HMCN1: variants seen among roughly 807,000 people sequenced by gnomAD.
HMCN1 encodes hemicentin-1.
In HMCN1, 321 loss-of-function variants were observed where a neutral mutation model predicts 625.9. The observed-to-expected ratio is 0.51, with a 90% CI of 0.47 to 0.56. HMCN1 has a LOEUF of 0.56. HMCN1 is among the 20% of genes least tolerant of loss of function. The pLI is 0.00. For synonymous variants in HMCN1, 2,425 were observed against 2,417.6 expected (o/e 1.00, Z -0.09); for missense variants, 6,588 against 6,887.3 (o/e 0.96, Z 1.54).
chr1:186,113,955 T>G, intron 72 of HMCN1, 24 bp from the exon 73 acceptor site: 1 of 1,613,926 alleles, frequency 6.2e-7, no homozygotes, highest in East Asian at 2.2e-5. Flanking sequence ...TCACTGAATT[T>G]TTTCATGTGT....
In HMCN1 at chr1:186,093,725, C is replaced by G. The variant is rs541176268; in HGVS notation, c.10196+56C>G. The G allele has an allele frequency of 1.9e-6, 3 of 1,603,756 alleles. No homozygotes were observed. In the African/African-American group the frequency reaches 4.0e-5, roughly 21 times the overall value. On this transcript the variant is annotated intron_variant, in intron 66 of 106. Transcript: ENST00000271588. ...CAGATGAAGTAACTGTGATTGTAGA[C>G]TTTTCCTTCATTTAAACAGTGTTGA...
At chr1:185,735,766 A>G (rs1653519789) in intron 1 of HMCN1, among the ~76,000 whole-genome samples, 1 of 152,196 alleles carries the variant, frequency 6.6e-6, no homozygotes, top group African/African-American at 2.4e-5. Context: ...GCTCCACTGT[A>G]ATATGATCCT....
intron 35 of HMCN1, among the ~76,000 whole-genome samples, chr1:186,021,218 A>T (rs1355070695): frequency 6.6e-6 from 1 of 152,034 alleles, no homozygotes; most frequent in Non-Finnish European, 1.5e-5. Context: ...AAGGAGAGGG[A>T]TGTGGCAAGG....
intron 1 of HMCN1, among the ~76,000 whole-genome samples, chr1:185,844,410 G>A (rs996254334): frequency 6.6e-6 from 1 of 152,080 alleles, no homozygotes; most frequent in Admixed American, 6.6e-5. Context: ...ATGGGTTATG[G>A]CAGACAAATT....
At chr1:186,096,497 A>G (rs745903330) in intron 68 of HMCN1, among the ~76,000 whole-genome samples, 40 of 152,250 alleles carry the variant, frequency 2.6e-4, no homozygotes, top group Non-Finnish European at 5.6e-4. Context: ...AAGCAGAACC[A>G]TATCTAAATA....
At position 185,999,352 on chromosome 1, in the gene HMCN1, A is replaced by G. The variant is rs1463084896; in HGVS notation, c.3875-693A>G. ...TAGATTTAATGTTTACTTATTTCCA[A>G]TATTCCTTTTGATTCTATTATACAC... On this transcript the variant is annotated intron_variant, in intron 25 of 106. Transcript: ENST00000271588. Among the ~76,000 whole-genome samples, 7 of 152,104 alleles carry G rather than the reference A, an allele frequency of 4.6e-5. No individual in the cohort carries two copies. In the South Asian group the frequency reaches 1.5e-3, roughly 32 times the overall value.
intron 14 of HMCN1, among the ~76,000 whole-genome samples, chr1:185,967,634 G>A (rs993020440): frequency 1.3e-5 from 2 of 151,976 alleles, no homozygotes; most frequent in Non-Finnish European, 2.9e-5. Flanking sequence ...ACCACCAAGA[G>A]CAAATCTAGG....
rs776491738 is a variant in HMCN1, at chr1:186,086,394, T to C, written c.9033T>C (p.Thr3011=). The change falls in exon 58 of 107, where the codon ACT becomes ACC. Residue 3011 remains threonine (T), a synonymous_variant. Transcript: ENST00000271588. Reference sequence around the variant, plus strand: ...AGCCCATCAAACTGAACACAAATACTCTCATTGTGCCTGGTAAGGAACTTC... The same window carrying C: ...AGCCCATCAAACTGAACACAAATACCCTCATTGTGCCTGGTAAGGAACTTC... The part of the protein sequence containing the change: ...NEQPIKLNTN[T]LIVPGGRTLQ... 6.2e-7 allele frequency: 1 copy of C among 1,613,118 alleles called. No homozygotes were observed. Among genetic ancestry groups the C allele is most frequent in the South Asian group, 1.1e-5 (1 of 91,074 alleles).
chr1:185,924,998 T>C (rs1346627583), intron 8 of HMCN1, 49 bp from the exon 9 acceptor site: 1 of 1,502,660 alleles, frequency 6.7e-7, no homozygotes, highest in South Asian at 1.2e-5. Context: ...AACATCATTG[T>C]GACCTTCTTG....
chr1:186,069,398 A>G (rs540929711), intron 50 of HMCN1, among the ~76,000 whole-genome samples: 1 of 152,230 alleles, frequency 6.6e-6, no homozygotes, highest in East Asian at 1.9e-4. Context: ...GAAGGATCTT[A>G]GCTAGAGTGG....
Position 186,069,792 on chromosome 1 carries a change from A to G in HMCN1, c.7993+16A>G, listed in dbSNP as rs1017402724. 4 of 1,539,730 alleles carry G rather than the reference A, an allele frequency of 2.6e-6. No homozygotes were observed. Among genetic ancestry groups the G allele is most frequent in the Middle Eastern group, 1.7e-4 (1 of 5,968 alleles). The stretch of plus-strand genomic sequence containing the variant: ...AAGGTGTACAGTAAGTTCTGAAAGA[A>G]TACTATGTTTCATAGCTTCCCCAAT... On this transcript the variant is annotated intron_variant, in intron 51 of 106. Transcript: ENST00000271588.
At chr1:185,906,650 T>C (rs769641010) in intron 4 of HMCN1, among the ~76,000 whole-genome samples, 3 of 151,864 alleles carry the variant, frequency 2.0e-5, no homozygotes, top group Admixed American at 6.6e-5. Flanking sequence ...ATAAATTTAA[T>C]GAAGGATGTA....
intron 19 of HMCN1, among the ~76,000 whole-genome samples, chr1:185,985,754 A>G (rs1479282435): frequency 6.6e-6 from 1 of 152,156 alleles, no homozygotes; most frequent in Non-Finnish European, 1.5e-5. Flanking sequence ...ATACCTCTGT[A>G]TTTATGTTAA....
chr1:185,856,694 A>G (rs1051138242), intron 2 of HMCN1, among the ~76,000 whole-genome samples: 3 of 152,314 alleles, frequency 2.0e-5, no homozygotes, highest in Admixed American at 6.5e-5. Context: ...TTGTAATGCC[A>G]ATAAGAATTA....
chr1:185,795,077 G>A (rs1268816988), intron 1 of HMCN1, among the ~76,000 whole-genome samples: 1 of 152,178 alleles, frequency 6.6e-6, no homozygotes, highest in Admixed American at 6.5e-5. Context: ...TTAAGAAGAA[G>A]TAAGAGTACC....
intron 30 of HMCN1, among the ~76,000 whole-genome samples, chr1:186,009,800 A>G (rs1653877311): frequency 6.6e-6 from 1 of 152,114 alleles, no homozygotes. Flanking sequence ...CAGATTTACT[A>G]GTAGTTCTGA....
intron 16 of HMCN1, among the ~76,000 whole-genome samples, chr1:185,979,750 A>C (rs1558113513): frequency 6.6e-6 from 1 of 152,206 alleles, no homozygotes; most frequent in Non-Finnish European, 1.5e-5. Context: ...GAGGAGTAGA[A>C]ACTTTGTCAT....
intron 36 of HMCN1, among the ~76,000 whole-genome samples, chr1:186,032,023 A>G (rs751038962): frequency 5.9e-5 from 9 of 151,912 alleles, no homozygotes; most frequent in Admixed American, 3.3e-4. Context: ...ATATAAAATT[A>G]TATAGTATTT....
intron 101 of HMCN1, among the ~76,000 whole-genome samples, chr1:186,171,737 AGTATATATAAATTTTAT>A (rs1167044487): frequency 6.6e-6 from 1 of 152,124 alleles, no homozygotes; most frequent in African/African-American, 2.4e-5. Context: ...AAATGAAGTT[AGTATATATAAATTTTAT>A]TTTTCTAAGA....
Sources: gnomAD v4.1 joint callset for allele counts (sites outside exome capture counted in the v4.1 genomes callset) on GRCh38, gnomAD v4.1.1 for gene constraint, MANE v1.5 for transcripts, NCBI Gene and HGNC (gene_info 2026-07-23, HGNC 2026-07-21) for gene names.